Variants in LAMA3 observed in about 807,000 individuals in gnomAD.
LAMA3 encodes the protein laminin subunit alpha 3, also known as laminin subunit alpha-3.
In LAMA3, 281 loss-of-function variants were observed where a neutral mutation model predicts 402.0. That is an observed-to-expected ratio of 0.70 (90% CI 0.63 to 0.77). LAMA3 has a LOEUF of 0.77. LAMA3 is among the 30% of genes least tolerant of loss of function. The probability of loss-of-function intolerance (pLI) is 0.00; values close to 1 mark genes in which losing one functional copy is unlikely to be tolerated. For missense variants in LAMA3, 3,840 were observed against 4,215.5 expected, an observed-to-expected ratio of 0.91 and a Z score of 2.47; for synonymous variants, 1,431 against 1,558.4, an observed-to-expected ratio of 0.92 and a Z score of 1.93.
intron 44 of LAMA3, among the ~76,000 whole-genome samples, chr18:23,895,571 C>A (rs2080849235): frequency 6.6e-6 from 1 of 152,190 alleles, no homozygotes; most frequent in South Asian, 2.1e-4. Context: ...ATCTAAATTA[C>A]CAAATATATT....
intron 11 of LAMA3, among the ~76,000 whole-genome samples, chr18:23,779,313 C>T (rs1446122936): frequency 6.6e-6 from 1 of 152,058 alleles, no homozygotes; most frequent in Non-Finnish European, 1.5e-5. Context: ...GCAAGGGGGC[C>T]TGATGGGAAG....
At chr18:23,797,120 G>A (rs2062778745) in intron 12 of LAMA3, among the ~76,000 whole-genome samples, 1 of 152,190 alleles carries the variant, frequency 6.6e-6, no homozygotes, top group Admixed American at 6.5e-5. Context: ...TTTCTGAGCT[G>A]TGCAAGAAAT....
Position 23,815,212 on chromosome 18 carries a change from C to T in LAMA3, c.1913C>T (p.Thr638Ile). The T allele has an allele frequency of 6.2e-7, 1 of 1,614,150 alleles. No individual in the cohort carries two copies. Among genetic ancestry groups the T allele is most frequent in the South Asian group, 1.1e-5 (1 of 91,076 alleles). Residue 638 changes from threonine (T) to isoleucine (I), a missense_variant, in exon 16 of 75, where the codon ACA (threonine) becomes ATA (isoleucine). This residue lies in a region of LAMA3 where 2,109 missense variants were observed against 2,376.0 expected (regional missense o/e 0.89). Coordinates refer to ENST00000313654, the MANE Select transcript of LAMA3 (RefSeq NM_198129.4). The part of the protein sequence containing the change: ...CSECKCHKAG[T>I]VSGTGECRQG... ...GAATGCAAGTGCCATAAGGCGGGAA[C>T]AGTGAGTGGAACTGGAGAGTGTAGG...
Position 23,692,808 on chromosome 18 carries a change from G to GT in LAMA3, c.294+2840dup, listed in dbSNP as rs578011491. The stretch of plus-strand genomic sequence containing the variant: ...TCATTTCCTTTTCTATATATATTTA[G>GT]TTTTTTTTTAGTACTTATTCTGAAG... On this transcript the variant is annotated intron_variant, in intron 1 of 74. Transcript: ENST00000313654. Among the ~76,000 whole-genome samples, 21 of 150,046 alleles carry GT rather than the reference G, an allele frequency of 1.4e-4. No homozygotes were observed. The East Asian group carries it at 2.7e-3, about 19-fold the overall frequency.
chr18:23,933,721 A>AGAG (rs1445442356), intron 66 of LAMA3, 61 bp from the exon 67 acceptor site: 35 of 1,580,396 alleles, frequency 2.2e-5, no homozygotes, highest in Non-Finnish European at 3.0e-5. Context: ...TCTCTCTACC[A>AGAG]GAGGGTCTTC....
chr18:23,952,455 T>C (rs373341408), intron 73 of LAMA3, among the ~76,000 whole-genome samples: 18 of 152,368 alleles, frequency 1.2e-4, no homozygotes, highest in South Asian at 6.2e-4. Flanking sequence ...TAGAGATCTA[T>C]GAACCCATAT....
At chr18:23,710,888 T>A (rs2060978240) in intron 1 of LAMA3, among the ~76,000 whole-genome samples, 2 of 152,216 alleles carry the variant, frequency 1.3e-5, no homozygotes, top group South Asian at 4.1e-4. Flanking sequence ...TACACTGATC[T>A]TTTTATTTTT....
Position 23,824,543 on chromosome 18 carries a change from T to C in LAMA3, c.2549T>C (p.Ile850Thr), listed in dbSNP as rs1230965300. 1.9e-6 allele frequency: 3 copies of C among 1,614,088 alleles called. No individual in the cohort carries two copies. The highest frequency in any genetic ancestry group is 3.3e-5 in the Admixed American group (2 of 60,016). The change falls in exon 21 of 75, where the codon ATT becomes ACT. Residue 850 changes from isoleucine (I) to threonine (T), a missense_variant. Physicochemically the swap from Ile to Thr is moderately conservative, Grantham distance 89. Coordinates refer to ENST00000313654, the MANE Select transcript of LAMA3 (RefSeq NM_198129.4). ...ACACCAGGAATATGGGTTGCTTGTA[T>C]TAAGGCAGAAGGAGTCCTTCTGGTA... is the stretch of plus-strand genomic sequence containing the variant. ...SITPGIWVAC[I>T]KAEGVLLDYL...
At chr18:23,925,459 G>T (rs1310491710) in intron 62 of LAMA3, among the ~76,000 whole-genome samples, 3 of 152,178 alleles carry the variant, frequency 2.0e-5, no homozygotes, top group African/African-American at 7.2e-5. Context: ...TTTACAGAGT[G>T]TGATTATACA....
chr18:23,865,109 A>G (rs2064323049), intron 36 of LAMA3, among the ~76,000 whole-genome samples: 1 of 152,246 alleles, frequency 6.6e-6, no homozygotes. Context: ...ACTTAACCGT[A>G]TTTTGCTTTT....
At chr18:23,844,561 C>T (rs2063772338) in intron 29 of LAMA3, among the ~76,000 whole-genome samples, 1 of 152,176 alleles carries the variant, frequency 6.6e-6, no homozygotes, top group Admixed American at 6.5e-5. Flanking sequence ...CTCATCATTC[C>T]CTGCACAGTA....
At chr18:23,890,526 A>G (rs912978178) in intron 42 of LAMA3, among the ~76,000 whole-genome samples, 29 of 152,204 alleles carry the variant, frequency 1.9e-4, no homozygotes, top group African/African-American at 6.8e-4. Flanking sequence ...TTACAGCAGT[A>G]CATGTTCTGG....
chr18:23,835,713 G>A (rs1445742356), intron 24 of LAMA3, among the ~76,000 whole-genome samples: 1 of 152,140 alleles, frequency 6.6e-6, no homozygotes, highest in Non-Finnish European at 1.5e-5. Context: ...CAGGCTACAA[G>A]TATGGGAGTC....
At chr18:23,932,450 A>T in intron 66 of LAMA3, 159 bp downstream of exon 66, 1 of 769,700 alleles carries the variant, frequency 1.3e-6, no homozygotes, top group Non-Finnish European at 2.1e-6. Context: ...AGATACACCC[A>T]TTAAAAAACC....
intron 38 of LAMA3, among the ~76,000 whole-genome samples, chr18:23,875,537 C>T (rs1381962075): frequency 1.3e-5 from 2 of 152,078 alleles, no homozygotes; most frequent in Non-Finnish European, 2.9e-5. Context: ...GTATGGGAAC[C>T]TCATGCACGC....
intron 23 of LAMA3, among the ~76,000 whole-genome samples, chr18:23,832,581 A>G (rs1263069870): frequency 6.6e-6 from 1 of 152,202 alleles, no homozygotes; most frequent in African/African-American, 2.4e-5. Context: ...TGGCCCAGGC[A>G]TTAAGTATGT....
intron 62 of LAMA3, among the ~76,000 whole-genome samples, chr18:23,925,580 A>G (rs1176548650): frequency 6.6e-6 from 1 of 152,226 alleles, no homozygotes. Flanking sequence ...TCGGCCTGCA[A>G]CAGCCATGGA....
At chr18:23,732,553 C>T (rs1320505725) in intron 2 of LAMA3, among the ~76,000 whole-genome samples, 1 of 152,074 alleles carries the variant, frequency 6.6e-6, no homozygotes, top group Non-Finnish European at 1.5e-5. Context: ...CGGAACCACC[C>T]AGGGAGGAAA....
At position 23,876,337 on chromosome 18, in the gene LAMA3, C is replaced by G; in HGVS notation, c.5042C>G (p.Thr1681Ser). Residue 1681 changes from threonine (T) to serine (S), a missense_variant, in exon 39 of 75, where the codon ACC becomes AGC. Thr to Ser is a moderately conservative substitution (Grantham distance 58, BLOSUM62 1). Coordinates refer to ENST00000313654, the MANE Select transcript of LAMA3 (RefSeq NM_198129.4). ...GYYRDHKGLY[T>S]GRCVPCNCNG... ...TATCGGGATCATAAAGGCTTGTATA[C>G]CGGACGGTGTGTTCCCTGCAATTGC... The G allele has an allele frequency of 6.2e-7, 1 of 1,614,094 alleles. No homozygotes were observed. Among genetic ancestry groups the G allele is most frequent in the Non-Finnish European group, 8.5e-7 (1 of 1,179,940 alleles).
Sources: allele counts gnomAD v4.1 joint callset (sites outside exome capture counted in the v4.1 genomes callset), GRCh38; gene constraint gnomAD v4.1.1; regional missense constraint gnomAD v4.1.1; transcripts MANE v1.5; gene names NCBI Gene and HGNC (gene_info 2026-07-23, HGNC 2026-07-21).